Variants in TRIM58 observed in about 807,000 individuals in gnomAD.
TRIM58 encodes tripartite motif containing 58, also known as E3 ubiquitin-protein ligase TRIM58.
In TRIM58, 38 loss-of-function variants were observed where a neutral mutation model predicts 34.1. The observed-to-expected ratio is 1.12, with a 90% CI of 0.86 to 1.46. TRIM58 has a LOEUF of 1.46. Ranked by LOEUF, TRIM58 falls within the 40% of genes most tolerant of loss-of-function variation. The pLI, the probability that TRIM58 is intolerant of heterozygous loss-of-function variation, is 0.00. For missense variants in TRIM58, 677 were observed against 642.0 expected (o/e 1.05, Z -0.59); for synonymous variants, 273 against 275.7 (o/e 0.99, Z 0.10).
intron 5 of TRIM58, among the ~76,000 whole-genome samples, chr1:247,875,300 G>GA (rs11374549): frequency 0.64 from 96,416 of 151,808 alleles, 30,863 homozygotes; most frequent in African/African-American, 0.69. Context: ...AGATTTTTAA[G>GA]AAAAAAATTC....
chr1:247,868,613 G>A (rs1425753848), intron 5 of TRIM58, among the ~76,000 whole-genome samples: 1 of 152,162 alleles, frequency 6.6e-6, no homozygotes, highest in Non-Finnish European at 1.5e-5. Flanking sequence ...TTCAGATGCT[G>A]GTCACAAGCA....
chr1:247,864,663 G>A (rs1663877087), intron 2 of TRIM58, 42 bp from the exon 3 acceptor site: 1 of 1,600,906 alleles, frequency 6.2e-7, no homozygotes, highest in Non-Finnish European at 8.5e-7. Context: ...CATGGCTGCT[G>A]GAGGCCAAGC....
intron 5 of TRIM58, among the ~76,000 whole-genome samples, chr1:247,875,660 A>C (rs1659266609): frequency 6.6e-6 from 1 of 151,904 alleles, no homozygotes; most frequent in Non-Finnish European, 1.5e-5. Flanking sequence ...TTTTTGGGAA[A>C]GTTAAAGAGT....
In TRIM58 at chr1:247,857,733, G is replaced by C. The variant is rs1000156917; in HGVS notation, c.420+67G>C. 1.1e-4 allele frequency: 136 copies of C among 1,200,384 alleles called. 1 individual carries two copies. Among genetic ancestry groups the C allele is most frequent in the Non-Finnish European group, 1.4e-4 (135 of 968,070 alleles). The allele number at this position is 1,200,384 out of a possible 1,614,324, so 74.4% of individuals were successfully genotyped here. On this transcript the variant is annotated intron_variant, in intron 1 of 5. Transcript: ENST00000366481. ...CGGGAAGCGGGCGACAGTCCGGAGC[G>C]GAGCCGCCGAGGCCACCCGTCTCCT... is the stretch of plus-strand genomic sequence containing the variant.
rs537954476 is a variant in TRIM58 at position 247,858,993 on chromosome 1, C to T, written c.420+1327C>T. On this transcript the variant is annotated intron_variant, in intron 1 of 5. Transcript: ENST00000366481. ...TGTTGGCCAGGCTGGTCTTGAACTC[C>T]TGACCTTGTGATCCATCCGCCGTGG... Among the ~76,000 whole-genome samples, 31 of 152,160 alleles carry T rather than the reference C, an allele frequency of 2.0e-4. No homozygotes were observed. The South Asian group carries it at 6.0e-3, about 30-fold the overall frequency.
intron 5 of TRIM58, among the ~76,000 whole-genome samples, chr1:247,873,950 A>G (rs1335785338): frequency 2.7e-5 from 4 of 150,422 alleles, no homozygotes; most frequent in African/African-American, 9.9e-5. Context: ...TGGGCAACAG[A>G]GCGAGACTCC....
Position 247,876,567 on chromosome 1 carries a change from T to A in TRIM58, c.*78T>A. ...TGAAGGATATCAATATACTAAGTTT[T>A]AACAGATACCCCATTTAGGTCAGCA... On this transcript the variant is annotated 3_prime_UTR_variant, in exon 6 of 6. Coordinates refer to ENST00000366481, the MANE Select transcript of TRIM58 (RefSeq NM_015431.4). 1 of 1,108,280 alleles carries A rather than the reference T, an allele frequency of 9.0e-7. No homozygotes were observed. Among genetic ancestry groups the A allele is most frequent in the Non-Finnish European group, 1.3e-6 (1 of 780,658 alleles). 68.7% of individuals were successfully genotyped at this position (1,108,280 alleles called of 1,614,324 possible).
chr1:247,872,721 A>C (rs540278306), intron 5 of TRIM58, among the ~76,000 whole-genome samples: 2 of 152,152 alleles, frequency 1.3e-5, no homozygotes, highest in African/African-American at 4.8e-5. Flanking sequence ...GCACCCGGGT[A>C]GATAGGGAGT....
chr1:247,867,275 T>G (rs1663951932), intron 3 of TRIM58, among the ~76,000 whole-genome samples: 1 of 152,208 alleles, frequency 6.6e-6, no homozygotes, highest in Non-Finnish European at 1.5e-5. Flanking sequence ...TTTTATCCTG[T>G]TCCGTCTGAA....
chr1:247,869,210 G>GT (rs1404581293), intron 5 of TRIM58, among the ~76,000 whole-genome samples: 1 of 152,104 alleles, frequency 6.6e-6, no homozygotes, highest in Non-Finnish European at 1.5e-5. Context: ...AATGAACTCA[G>GT]TTATTTTGGG....
rs1244583411 is a variant in TRIM58, at chr1:247,867,989, C to T, written c.797C>T (p.Ala266Val). The change falls in exon 5 of 6, where the codon GCA becomes GTA. Residue 266 changes from alanine to valine, a missense_variant. By Grantham distance (64) the Ala-to-Val change is moderately conservative (BLOSUM62 0). Coordinates refer to ENST00000366481, the MANE Select transcript of TRIM58 (RefSeq NM_015431.4). ...SRSKAVTRLEAENIPMELKTA... is the reference protein window; with the variant it reads ...SRSKAVTRLEVENIPMELKTA... ...AGTAAGGCTGTCACAAGGCTGGAAG[C>T]AGAGAACATCCCCATGGAACTGAAG... 6.2e-6 allele frequency: 10 copies of T among 1,612,936 alleles called. No homozygotes were observed. The highest frequency in any genetic ancestry group is 1.7e-5 in the Admixed American group (1 of 59,856).
Position 247,875,999 on chromosome 1 carries a change from A to G in TRIM58, c.971A>G (p.Asn324Ser), listed in dbSNP as rs745542640. Residue 324 changes from asparagine (N) to serine (S), a missense_variant, in exon 6 of 6, where the codon AAC (asparagine) becomes AGC (serine). Asn to Ser is a conservative substitution (Grantham distance 46). Coordinates refer to ENST00000366481, the MANE Select transcript of TRIM58 (RefSeq NM_015431.4). ...QDGEPWRDVP[N>S]NPERFDTWPC... ...GGAGAACCATGGAGGGATGTCCCCAACAACCCTGAGCGATTTGACACATGG... is the reference window on the plus strand; with the variant it reads ...GGAGAACCATGGAGGGATGTCCCCAGCAACCCTGAGCGATTTGACACATGG... 9 of 1,614,110 alleles carry G rather than the reference A, an allele frequency of 5.6e-6. No individual in the cohort carries two copies. Among genetic ancestry groups the G allele is most frequent in the Non-Finnish European group, 8.5e-7 (1 of 1,180,038 alleles).
chr1:247,865,465 A>G (rs1663897519), intron 3 of TRIM58, among the ~76,000 whole-genome samples: 1 of 152,208 alleles, frequency 6.6e-6, no homozygotes, highest in African/African-American at 2.4e-5. Flanking sequence ...TCTGCATAAT[A>G]CATTTCAGTG....
In TRIM58 at chr1:247,876,535, A is replaced by G. The variant is rs372548944; in HGVS notation, c.*46A>G. ...GTCCTAGCGTAGCGAACGTTCCTGGAGTGGGGTGAAGGATATCAATATACT... is the reference window on the plus strand; with the variant it reads ...GTCCTAGCGTAGCGAACGTTCCTGGGGTGGGGTGAAGGATATCAATATACT... On this transcript the variant is annotated 3_prime_UTR_variant, in exon 6 of 6. Coordinates refer to ENST00000366481, the MANE Select transcript of TRIM58 (RefSeq NM_015431.4). The G allele has an allele frequency of 6.9e-6, 10 of 1,458,036 alleles. No individual in the cohort carries two copies. Among genetic ancestry groups the G allele is most frequent in the Non-Finnish European group, 9.4e-6 (10 of 1,062,830 alleles). The allele number at this position is 1,458,036 out of a possible 1,614,324, so 90.3% of individuals were successfully genotyped here.
chr1:247,861,142 T>C (rs920503886), intron 2 of TRIM58, among the ~76,000 whole-genome samples: 18 of 152,222 alleles, frequency 1.2e-4, no homozygotes, highest in Non-Finnish European at 2.4e-4. Context: ...GCCTTTTTTT[T>C]CTATCATCTA....
intron 1 of TRIM58, among the ~76,000 whole-genome samples, chr1:247,860,166 T>G (rs983846975): frequency 1.3e-5 from 2 of 152,214 alleles, no homozygotes; most frequent in East Asian, 3.9e-4. Flanking sequence ...TATCTGGTAT[T>G]AAAATACATT....
intron 5 of TRIM58, among the ~76,000 whole-genome samples, chr1:247,873,378 C>A (rs1280671568): frequency 6.6e-6 from 1 of 152,074 alleles, no homozygotes; most frequent in African/African-American, 2.4e-5. Context: ...GGGATACAGA[C>A]CATATCAAAA....
At chr1:247,873,675 A>C (rs915289716) in intron 5 of TRIM58, among the ~76,000 whole-genome samples, 4 of 152,178 alleles carry the variant, frequency 2.6e-5, no homozygotes, top group Non-Finnish European at 5.9e-5. Context: ...GGTATCAATA[A>C]AAATTCACTA....
intron 5 of TRIM58, among the ~76,000 whole-genome samples, chr1:247,869,056 T>C (rs941927826): frequency 2.9e-4 from 44 of 152,166 alleles, no homozygotes; most frequent in Admixed American, 3.9e-4. Flanking sequence ...CATGCCACCA[T>C]GCCTGGCTAA....
Sources: gnomAD v4.1 joint callset for allele counts (sites outside exome capture counted in the v4.1 genomes callset) on GRCh38, gnomAD v4.1.1 for gene constraint, MANE v1.5 for transcripts, NCBI Gene and HGNC (gene_info 2026-07-23, HGNC 2026-07-21) for gene names.